CLNK: variants seen among roughly 807,000 people sequenced by gnomAD.
The protein encoded by CLNK is cytokine dependent hematopoietic cell linker.
CLNK carries 74 observed loss-of-function variants against 68.6 expected under a neutral mutation model. The ratio of observed to expected loss-of-function variants is 1.08; its 90% CI spans 0.89 to 1.31. CLNK has a LOEUF of 1.31. Ranked by LOEUF, CLNK falls within the 50% of genes most tolerant of loss-of-function variation. The probability of loss-of-function intolerance (pLI) is 0.00; values close to 1 mark genes in which losing one functional copy is unlikely to be tolerated. For missense variants in CLNK, 553 were observed against 515.3 expected (o/e 1.07, Z -0.71); for synonymous variants, 198 against 172.2 (o/e 1.15, Z -1.17).
chr4:10,644,979 T>C (rs1427005861), intron 2 of CLNK, among the ~76,000 whole-genome samples: 1 of 152,254 alleles, frequency 6.6e-6, no homozygotes, highest in African/African-American at 2.4e-5. Flanking sequence ...TCCCAGTTCA[T>C]AGCTGGGTAA....
chr4:10,538,024 T>C (rs896563012), intron 11 of CLNK, among the ~76,000 whole-genome samples: 3 of 152,098 alleles, frequency 2.0e-5, no homozygotes, highest in Non-Finnish European at 4.4e-5. Flanking sequence ...GGTCCCAAGA[T>C]ACTGTTCTTT....
intron 2 of CLNK, among the ~76,000 whole-genome samples, chr4:10,644,334 A>G (rs1342159450): frequency 1.3e-5 from 2 of 152,248 alleles, no homozygotes; most frequent in Non-Finnish European, 2.9e-5. Context: ...GTGCCTTCAT[A>G]ATAACTGACA....
At chr4:10,536,903 G>A (rs1265728094) in intron 11 of CLNK, among the ~76,000 whole-genome samples, 2 of 151,842 alleles carry the variant, frequency 1.3e-5, no homozygotes, top group Admixed American at 6.6e-5. Context: ...GCAGAGGGAC[G>A]CATTTGGCAA....
intron 17 of CLNK, among the ~76,000 whole-genome samples, chr4:10,507,358 C>T (rs1238591638): frequency 1.3e-5 from 2 of 151,774 alleles, no homozygotes; most frequent in African/African-American, 2.4e-5. Context: ...GTGATCCACC[C>T]GCCTCATCCT....
chr4:10,633,325 G>A (rs138000846), intron 2 of CLNK, among the ~76,000 whole-genome samples: 193 of 152,290 alleles, frequency 1.3e-3, no homozygotes, highest in Middle Eastern at 6.8e-3. Context: ...CTCTCAAGTC[G>A]ACAGCGTTAT....
At position 10,490,444 on chromosome 4, in the gene CLNK, C is replaced by T; in HGVS notation, c.*23G>A. The T allele has an allele frequency of 6.2e-7, 1 of 1,608,498 alleles. No homozygotes were observed. Among genetic ancestry groups the T allele is most frequent in the South Asian group, 1.1e-5 (1 of 89,416 alleles). On this transcript the variant is annotated 3_prime_UTR_variant, in exon 19 of 19. Transcript: ENST00000226951. ...CAATGGAAGCGCTGAATCCAGTAAA[C>T]CAAAGATAACACAAAGACCAGGCTA...
intron 2 of CLNK, among the ~76,000 whole-genome samples, chr4:10,605,248 A>G (rs1465651353): frequency 6.6e-6 from 1 of 151,974 alleles, no homozygotes; most frequent in East Asian, 1.9e-4. Flanking sequence ...CTCTCTCTCT[A>G]CGGATACATA....
chr4:10,539,693 C>T (rs916723034), intron 11 of CLNK, among the ~76,000 whole-genome samples: 1 of 152,220 alleles, frequency 6.6e-6, no homozygotes, highest in Admixed American at 6.5e-5. Flanking sequence ...GAGCCATCAT[C>T]AGTACTTAAT....
At chr4:10,563,723 A>G (rs185189564) in intron 7 of CLNK, among the ~76,000 whole-genome samples, 2 of 152,246 alleles carry the variant, frequency 1.3e-5, no homozygotes, top group Non-Finnish European at 2.9e-5. Context: ...CCTGACCAAC[A>G]TGGTGAAATC....
chr4:10,601,357 T>G (rs1294196413), intron 2 of CLNK, among the ~76,000 whole-genome samples: 2 of 152,134 alleles, frequency 1.3e-5, no homozygotes, highest in Non-Finnish European at 2.9e-5. Flanking sequence ...TACAGTGGAT[T>G]ATTGAAGCAA....
At chr4:10,719,188 C>T in the CLNK span, among the ~76,000 whole-genome samples, 2 of 151,882 alleles carry the variant, frequency 1.3e-5, no homozygotes, top group African/African-American at 2.4e-5. Context: ...CAATCTTAAG[C>T]CCTAACGTAT....
intron 2 of CLNK, among the ~76,000 whole-genome samples, chr4:10,650,087 A>G (rs891912278): frequency 2.6e-5 from 4 of 152,196 alleles, no homozygotes; most frequent in Admixed American, 1.3e-4. Context: ...ATGAGACATA[A>G]AAATGATCAA....
chr4:10,586,343 T>C (rs1398886980), intron 3 of CLNK, among the ~76,000 whole-genome samples: 7 of 147,786 alleles, frequency 4.7e-5, no homozygotes, highest in African/African-American at 1.0e-4. Context: ...TTTCTTTTTT[T>C]TTTTTTTTTT....
At chr4:10,611,256 T>A (rs1722005503) in intron 2 of CLNK, among the ~76,000 whole-genome samples, 1 of 152,196 alleles carries the variant, frequency 6.6e-6, no homozygotes, top group Non-Finnish European at 1.5e-5. Flanking sequence ...AGGCAGAGGT[T>A]GCAGTGAGCC....
At chr4:10,559,621 C>T (rs1454250397) in intron 7 of CLNK, among the ~76,000 whole-genome samples, 2 of 152,058 alleles carry the variant, frequency 1.3e-5, no homozygotes, top group Non-Finnish European at 2.9e-5. Context: ...CCATTGTCTC[C>T]GTCTTAGGTG....
intron 2 of CLNK, among the ~76,000 whole-genome samples, chr4:10,616,914 A>G (rs1722259020): frequency 6.6e-6 from 1 of 151,596 alleles, no homozygotes; most frequent in African/African-American, 2.4e-5. Context: ...ATTGCCATTT[A>G]TAATGTCTGT....
Position 10,649,111 on chromosome 4 carries a change from T to A in CLNK, c.11+18748A>T, listed in dbSNP as rs988419694. Among the ~76,000 whole-genome samples, 4 of 152,304 alleles carry A rather than the reference T, an allele frequency of 2.6e-5. No homozygotes were observed. In the East Asian group the frequency reaches 7.7e-4, roughly 29 times the overall value. ...AAGCAAAGAACAGATGTGTTACTTT[T>A]CTTTACGTAAAAATAAGAGCACCAA... On this transcript the variant is annotated intron_variant, in intron 2 of 18. Transcript: ENST00000226951.
intron 7 of CLNK, among the ~76,000 whole-genome samples, chr4:10,563,545 G>A (rs1160411015): frequency 6.6e-6 from 1 of 152,152 alleles, no homozygotes; most frequent in Non-Finnish European, 1.5e-5. Context: ...AATTTAATGT[G>A]AGAAGAAAAA....
intron 3 of CLNK, among the ~76,000 whole-genome samples, chr4:10,593,325 G>A (rs891615354): frequency 7.1e-6 from 1 of 139,878 alleles, no homozygotes; most frequent in African/African-American, 2.5e-5. Context: ...CCTGACTGAA[G>A]GGACCCAGTA....
Sources: allele counts gnomAD v4.1 joint callset (sites outside exome capture counted in the v4.1 genomes callset), GRCh38; gene constraint gnomAD v4.1.1; transcripts MANE v1.5; gene names NCBI Gene and HGNC (gene_info 2026-07-23, HGNC 2026-07-21).